The following KIRREL3 variants were observed in gnomAD, a reference collection of about 807,000 sequenced individuals.
KIRREL3 encodes the protein kirre like nephrin family adhesion molecule 3, also known as kin of IRRE-like protein 3.
KIRREL3 carries 36 observed loss-of-function variants against 89.7 expected under a neutral mutation model. The observed-to-expected ratio is 0.40, with a 90% CI of 0.31 to 0.53. KIRREL3 has a LOEUF of 0.53. Among genes scored for constraint, KIRREL3 ranks in the 20% least tolerant of loss-of-function variants. The pLI is 0.49. For missense variants in KIRREL3, 864 were observed against 1,056.6 expected (o/e 0.82, Z 2.53); for synonymous variants, 445 against 441.4 (o/e 1.01, Z -0.10).
intron 1 of KIRREL3, among the ~76,000 whole-genome samples, chr11:126,604,140 G>A (rs1463774138): frequency 6.6e-6 from 1 of 152,128 alleles, no homozygotes; most frequent in Non-Finnish European, 1.5e-5. Context: ...ATGCTAGGCT[G>A]TGGAAATCAA....
At chr11:126,944,180 C>T (rs891394875) in intron 1 of KIRREL3, 3 of 152,232 alleles carry the variant, frequency 2.0e-5, no homozygotes, top group Non-Finnish European at 4.4e-5. Context: ...TATCTCTCCA[C>T]CACTGTCCAT....
At chr11:126,869,019 C>T (rs1273940127) in intron 1 of KIRREL3, among the ~76,000 whole-genome samples, 1 of 152,136 alleles carries the variant, frequency 6.6e-6, no homozygotes, top group Non-Finnish European at 1.5e-5. Context: ...GCCCCAAGTC[C>T]TAATACTCCT....
In KIRREL3 at chr11:126,991,668, T is replaced by C. The variant is rs1335022498; in HGVS notation, c.55+8787A>G. Reference sequence around the variant, plus strand: ...GTCTGGAATAAAAAAGAAATTGAACTACAATGCTGCCTCCTTGTTCGAAGG... The same window carrying C: ...GTCTGGAATAAAAAAGAAATTGAACCACAATGCTGCCTCCTTGTTCGAAGG... On this transcript the variant is annotated intron_variant, in intron 1 of 16. Coordinates refer to ENST00000525144, the MANE Select transcript of KIRREL3 (RefSeq NM_032531.4). The surrounding 1 kb of genome is among the most constrained non-coding windows in gnomAD (Gnocchi z 5.8). Among the ~76,000 whole-genome samples the C allele has an allele frequency of 1.3e-5, 2 of 152,208 alleles. No individual in the cohort carries two copies. The highest frequency in any genetic ancestry group is 6.5e-5 in the Admixed American group (1 of 15,288).
rs541217811 is a variant in KIRREL3 at position 126,971,382 on chromosome 11, G to A, written c.55+29073C>T. On this transcript the variant is annotated intron_variant, in intron 1 of 16. Coordinates refer to ENST00000525144, the MANE Select transcript of KIRREL3 (RefSeq NM_032531.4). ...TCATTACAAATTGCTTGGAAATTCTGAAGAGATAACAGCTAGGTGTGAAAA... is the reference window on the plus strand; with the variant it reads ...TCATTACAAATTGCTTGGAAATTCTAAAGAGATAACAGCTAGGTGTGAAAA... 3.9e-5 allele frequency among the ~76,000 whole-genome samples: 6 copies of A among 152,272 alleles called. No individual in the cohort carries two copies. The South Asian group carries it at 1.2e-3, about 32-fold the overall frequency.
chr11:126,436,233 G>A (rs891468384), intron 12 of KIRREL3, among the ~76,000 whole-genome samples: 2 of 152,152 alleles, frequency 1.3e-5, no homozygotes, highest in African/African-American at 2.4e-5. Context: ...GTGCCTCCTG[G>A]GTCTGCAGGT....
chr11:126,681,827 CT>C (rs1187423779), intron 1 of KIRREL3: 1 of 450,816 alleles, frequency 2.2e-6, no homozygotes, highest in Non-Finnish European at 4.5e-6. Context: ...CCTGAGGAAT[CT>C]GCGTTTCAGA....
chr11:126,468,158 C>T (rs914554305), intron 5 of KIRREL3, among the ~76,000 whole-genome samples: 8 of 152,202 alleles, frequency 5.3e-5, no homozygotes, highest in African/African-American at 1.7e-4. Flanking sequence ...CCTGTCCTCT[C>T]GCCCCTCCTC....
At chr11:126,915,158 A>C (rs1946988760) in intron 1 of KIRREL3, among the ~76,000 whole-genome samples, 1 of 152,224 alleles carries the variant, frequency 6.6e-6, no homozygotes, top group African/African-American at 2.4e-5. Flanking sequence ...CATTGCTGGA[A>C]TCTTCCCTTC....
Position 126,459,364 on chromosome 11 carries a change from T to C in KIRREL3, c.743-2910A>G, listed in dbSNP as rs974170749. ...ATGATCAGCTCACTCGTAAGGCTGCTCTCCTGCACTTTCCCTTCCTCTTAG... is the reference window on the plus strand; with the variant it reads ...ATGATCAGCTCACTCGTAAGGCTGCCCTCCTGCACTTTCCCTTCCTCTTAG... On this transcript the variant is annotated intron_variant, in intron 6 of 16. Coordinates refer to ENST00000525144, the MANE Select transcript of KIRREL3 (RefSeq NM_032531.4). The surrounding 1 kb of genome is among the most constrained non-coding windows in gnomAD (Gnocchi z 4.8). Among the ~76,000 whole-genome samples the C allele has an allele frequency of 1.3e-5, 2 of 152,134 alleles. No individual in the cohort carries two copies. The highest frequency in any genetic ancestry group is 2.9e-5 in the Non-Finnish European group (2 of 68,032).
At chr11:126,945,708 G>A (rs747649518) in intron 1 of KIRREL3, among the ~76,000 whole-genome samples, 27 of 152,166 alleles carry the variant, frequency 1.8e-4, no homozygotes, top group African/African-American at 2.6e-4. Flanking sequence ...TTATAATGGC[G>A]GGAAAAGAGA....
intron 2 of KIRREL3, among the ~76,000 whole-genome samples, chr11:126,534,583 C>T (rs1321311745): frequency 6.6e-6 from 1 of 152,142 alleles, no homozygotes; most frequent in African/African-American, 2.4e-5. Flanking sequence ...GATGCTTGCC[C>T]CCAGCCTGTG....
At position 126,424,619 on chromosome 11, in the gene KIRREL3, G is replaced by A. The variant is rs1026046041; in HGVS notation, c.2298C>T (p.Pro766=). The A allele has an allele frequency of 2.0e-5, 32 of 1,614,034 alleles. No individual in the cohort carries two copies. Among genetic ancestry groups the A allele is most frequent in the Non-Finnish European group, 2.7e-5 (32 of 1,179,890 alleles). ...HSQSSSQNSD[P]SRPLQRRMQT... is the part of the protein sequence containing the mutation. ...GCATCCGCCGCTGCAGGGGTCGACT[G>A]GGGTCAGAGTTCTGGGACGAGGACT... The change falls in exon 17 of 17, where the codon CCC becomes CCT. Residue 766 remains proline, a synonymous_variant. Coordinates refer to ENST00000525144, the MANE Select transcript of KIRREL3 (RefSeq NM_032531.4).
intron 1 of KIRREL3, among the ~76,000 whole-genome samples, chr11:126,819,461 T>C (rs933524029): frequency 6.6e-6 from 1 of 152,192 alleles, no homozygotes; most frequent in African/African-American, 2.4e-5. Flanking sequence ...GCAGGGCCAT[T>C]GTGTGGGAGG....
chr11:126,555,648 A>C lies in KIRREL3; in HGVS notation c.133+7187T>G, dbSNP rs2134554720. Among the ~76,000 whole-genome samples, 1 of 152,240 alleles carries C rather than the reference A, an allele frequency of 6.6e-6. No individual in the cohort carries two copies. The highest frequency in any genetic ancestry group is 2.1e-4 in the South Asian group (1 of 4,826). On this transcript the variant is annotated intron_variant, in intron 2 of 16. Coordinates refer to ENST00000525144, the MANE Select transcript of KIRREL3 (RefSeq NM_032531.4). This position sits in a 1 kb window ranked among gnomAD's most constrained non-coding sequence, Gnocchi z 4.2. ...GAGGAGCAGCAGGAAGGCCCATGTG[A>C]CTGGAGCGCAGGGTGTTTAAGGGGG... is the stretch of plus-strand genomic sequence containing the variant.
intron 1 of KIRREL3, among the ~76,000 whole-genome samples, chr11:126,749,201 A>G (rs1949253503): frequency 3.3e-5 from 5 of 152,034 alleles, no homozygotes; most frequent in Admixed American, 3.3e-4. Flanking sequence ...CCCTCCGTTC[A>G]TTTCGACTGT....
intron 1 of KIRREL3, chr11:126,936,681 T>C (rs3016468): frequency 0.43 from 65,362 of 151,892 alleles, 14,591 homozygotes; most frequent in Middle Eastern, 0.68. Context: ...TAAAATTCCA[T>C]TGATACGAAA....
intron 1 of KIRREL3, among the ~76,000 whole-genome samples, chr11:126,886,874 C>A (rs910300478): frequency 6.6e-6 from 1 of 152,192 alleles, no homozygotes; most frequent in African/African-American, 2.4e-5. Flanking sequence ...TTCTGCCCCA[C>A]TCTTGACAGG....
intron 1 of KIRREL3, among the ~76,000 whole-genome samples, chr11:126,638,887 T>A (rs1944365179): frequency 6.6e-6 from 1 of 152,150 alleles, no homozygotes; most frequent in Non-Finnish European, 1.5e-5. Flanking sequence ...GCAGGCACAA[T>A]GTCTGGATAT....
rs1410156034 is a variant in KIRREL3 at position 126,903,278 on chromosome 11, T to C, written c.55+97177A>G. ...TGAAGTTTAGGCACTCACATTTTTCTTTTCTTTTTTTTTTAAACTAATTTT... is the reference window on the plus strand; with the variant it reads ...TGAAGTTTAGGCACTCACATTTTTCCTTTCTTTTTTTTTTAAACTAATTTT... On this transcript the variant is annotated intron_variant, in intron 1 of 16. Transcript: ENST00000525144. The surrounding 1 kb of genome is among the most constrained non-coding windows in gnomAD (Gnocchi z 4.5). Among the ~76,000 whole-genome samples the C allele has an allele frequency of 1.3e-5, 2 of 152,180 alleles. No homozygotes were observed. The highest frequency in any genetic ancestry group is 2.9e-5 in the Non-Finnish European group (2 of 68,036).
Sources: gnomAD v4.1 joint callset for allele counts (sites outside exome capture counted in the v4.1 genomes callset) on GRCh38, gnomAD v4.1.1 for gene constraint, Gnocchi (gnomAD v3.1) non-coding constraint, MANE v1.5 for transcripts, NCBI Gene and HGNC (gene_info 2026-07-23, HGNC 2026-07-21) for gene names.